CAMK4: variants seen among roughly 807,000 people sequenced by gnomAD.
CAMK4 encodes the protein calcium/calmodulin dependent protein kinase IV.
CAMK4 carries 22 observed loss-of-function variants against 44.9 expected under a neutral mutation model. The observed-to-expected ratio is 0.49, with a 90% CI of 0.35 to 0.70. The LOEUF (loss-of-function observed/expected upper bound fraction) is 0.70, where lower values mean the gene tolerates loss of function less well. Ranked by LOEUF, CAMK4 falls within the 30% of genes least tolerant of loss-of-function variation. CAMK4 has a pLI of 0.01. For missense variants in CAMK4, 498 were observed against 586.8 expected (o/e 0.85, Z 1.56); for synonymous variants, 218 against 215.4 (o/e 1.01, Z -0.11).
In CAMK4 at chr5:111,398,677, G is replaced by A. The variant is rs966508694; in HGVS notation, c.459+3895G>A. Among the ~76,000 whole-genome samples, 4 of 152,020 alleles carry A rather than the reference G, an allele frequency of 2.6e-5. No homozygotes were observed. The South Asian group carries it at 6.2e-4, about 24-fold the overall frequency. ...TCACTCCTCACATTCCCACATTTCC[G>A]TCTTTGTAATTCAAGCTGTTTTCAG... On this transcript the variant is annotated intron_variant, in intron 5 of 10. Coordinates refer to ENST00000282356, the MANE Select transcript of CAMK4 (RefSeq NM_001744.6).
At chr5:111,322,273 A>G (rs192535944) in intron 1 of CAMK4, among the ~76,000 whole-genome samples, 149 of 152,216 alleles carry the variant, frequency 9.8e-4, no homozygotes, top group Non-Finnish European at 1.7e-3. Flanking sequence ...GTAGGTAGGC[A>G]TGTACAACTG....
chr5:111,467,355 T>A (rs1174312621), intron 7 of CAMK4, among the ~76,000 whole-genome samples: 1 of 27,630 alleles, frequency 3.6e-5, no homozygotes, highest in African/African-American at 1.4e-4. Context: ...TTAATTAAAC[T>A]AAAAAGCTTC....
chr5:111,473,239 T>G, intron 7 of CAMK4, 72 bp from the exon 8 acceptor site: 1 of 976,328 alleles, frequency 1.0e-6, no homozygotes, highest in Admixed American at 1.7e-5. Flanking sequence ...TTTATTTCTT[T>G]CCCATTGCTT....
intron 1 of CAMK4, among the ~76,000 whole-genome samples, chr5:111,310,970 A>T (rs865880507): frequency 1.3e-5 from 2 of 152,162 alleles, no homozygotes; most frequent in African/African-American, 4.8e-5. Context: ...TATCCGTTCT[A>T]AGAACACCAG....
intron 1 of CAMK4, among the ~76,000 whole-genome samples, chr5:111,244,573 A>G (rs916175256): frequency 2.6e-5 from 4 of 152,348 alleles, no homozygotes; most frequent in South Asian, 2.1e-4. Flanking sequence ...AAAATATAAC[A>G]TAAAATAGTC....
intron 5 of CAMK4, among the ~76,000 whole-genome samples, chr5:111,414,925 A>G (rs1752765237): frequency 6.6e-6 from 1 of 152,212 alleles, no homozygotes; most frequent in Non-Finnish European, 1.5e-5. Context: ...ATTTCCTCCC[A>G]AATTAATGCT....
At chr5:111,322,363 G>T (rs1284568111) in intron 1 of CAMK4, among the ~76,000 whole-genome samples, 1 of 152,014 alleles carries the variant, frequency 6.6e-6, no homozygotes, top group Non-Finnish European at 1.5e-5. Flanking sequence ...ACCTCAAAAC[G>T]ATCACACTTA....
intron 2 of CAMK4, among the ~76,000 whole-genome samples, chr5:111,366,501 C>A (rs1333089679): frequency 1.3e-5 from 2 of 152,128 alleles, no homozygotes; most frequent in Non-Finnish European, 2.9e-5. Flanking sequence ...TATTCACCCC[C>A]TTTCTCCATT....
intron 1 of CAMK4, among the ~76,000 whole-genome samples, chr5:111,343,694 T>G (rs775889570): frequency 6.6e-5 from 10 of 151,710 alleles, no homozygotes; most frequent in Non-Finnish European, 1.3e-4. Context: ...ATTCTGAAAT[T>G]GGGTGGGTTT....
intron 5 of CAMK4, among the ~76,000 whole-genome samples, chr5:111,446,148 A>G (rs968660971): frequency 6.6e-6 from 1 of 152,270 alleles, no homozygotes. Flanking sequence ...AATTCTCAGA[A>G]GAGCCTATGA....
intron 2 of CAMK4, among the ~76,000 whole-genome samples, chr5:111,359,080 T>G (rs1196593255): frequency 1.3e-5 from 2 of 152,166 alleles, no homozygotes; most frequent in Admixed American, 1.3e-4. Flanking sequence ...TATATTCCTT[T>G]GGACATATAC....
At chr5:111,352,496 TATAAC>T (rs1443673015) in intron 2 of CAMK4, among the ~76,000 whole-genome samples, 13 of 152,124 alleles carry the variant, frequency 8.5e-5, no homozygotes, top group Admixed American at 8.5e-4. Flanking sequence ...TTTGTGCTGC[TATAAC>T]ATAACATCAC....
intron 5 of CAMK4, among the ~76,000 whole-genome samples, chr5:111,411,636 C>T (rs183330926): frequency 1.4e-4 from 21 of 152,278 alleles, no homozygotes; most frequent in African/African-American, 5.1e-4. Context: ...CAAGTGGATT[C>T]TCCTTTGTGA....
At position 111,428,042 on chromosome 5, in the gene CAMK4, G is replaced by A. The variant is rs370932678; in HGVS notation, c.460-18644G>A. On this transcript the variant is annotated intron_variant, in intron 5 of 10. Coordinates refer to ENST00000282356, the MANE Select transcript of CAMK4 (RefSeq NM_001744.6). ...CAGATGTAGGTGGCTCAGAACAAACGGAGACTCTGTTTAGGAGAAAGTAAG... is the reference window on the plus strand; with the variant it reads ...CAGATGTAGGTGGCTCAGAACAAACAGAGACTCTGTTTAGGAGAAAGTAAG... 7.4e-4 allele frequency among the ~76,000 whole-genome samples: 112 copies of A among 152,226 alleles called. 2 individuals are homozygous for A. In the South Asian group the frequency reaches 0.022, roughly 30 times the overall value.
chr5:111,387,682 C>T (rs1415631805), intron 4 of CAMK4, among the ~76,000 whole-genome samples: 7 of 152,142 alleles, frequency 4.6e-5, no homozygotes, highest in African/African-American at 1.7e-4. Flanking sequence ...ATTTTTCTGA[C>T]GTCCATTCAC....
At chr5:111,316,262 G>T (rs1474375641) in intron 1 of CAMK4, among the ~76,000 whole-genome samples, 1 of 152,112 alleles carries the variant, frequency 6.6e-6, no homozygotes, top group Non-Finnish European at 1.5e-5. Flanking sequence ...GAGGATAAAG[G>T]ATCAGCTCAG....
chr5:111,365,114 G>A (rs1750742659), intron 2 of CAMK4: 1 of 152,288 alleles, frequency 6.6e-6, no homozygotes, highest in Non-Finnish European at 1.5e-5. Flanking sequence ...CCCAACAGTG[G>A]AGACTATCCT....
intron 1 of CAMK4, among the ~76,000 whole-genome samples, chr5:111,253,928 A>T (rs1254470559): frequency 2.6e-5 from 4 of 152,228 alleles, no homozygotes; most frequent in Non-Finnish European, 4.4e-5. Context: ...CAATTATTTA[A>T]ATTATAAATT....
At chr5:111,269,657 CAGCCCTGTT>C (rs1332084656) in intron 1 of CAMK4, among the ~76,000 whole-genome samples, 1 of 152,196 alleles carries the variant, frequency 6.6e-6, no homozygotes, top group Admixed American at 6.5e-5. Flanking sequence ...ATCTCACATC[CAGCCCTGTT>C]AGCACCTTCT....
Sources: gnomAD v4.1 joint callset for allele counts (sites outside exome capture counted in the v4.1 genomes callset) on GRCh38, gnomAD v4.1.1 for gene constraint, MANE v1.5 for transcripts, NCBI Gene and HGNC (gene_info 2026-07-23, HGNC 2026-07-21) for gene names.